Variants in ADGRL2 observed in about 807,000 individuals in gnomAD.
ADGRL2 encodes calcium-independent alpha-latrotoxin receptor 2.
A neutral mutation model predicts 157.4 loss-of-function variants in ADGRL2; 44 were observed. The observed-to-expected ratio is 0.28, with a 90% CI of 0.22 to 0.36. The LOEUF is 0.36. ADGRL2 is among the 10% of genes least tolerant of loss of function. The pLI, the probability that ADGRL2 is intolerant of heterozygous loss-of-function variation, is 1.00. For synonymous variants in ADGRL2, 585 were observed against 624.7 expected (o/e 0.94, Z 0.95); for missense variants, 1,510 against 1,768.9 (o/e 0.85, Z 2.63).
At chr1:81,521,971 T>TG (rs1422935149) in intron 2 of ADGRL2, among the ~76,000 whole-genome samples, 3 of 151,590 alleles carry the variant, frequency 2.0e-5, no homozygotes, top group Admixed American at 6.6e-5. Flanking sequence ...CTTTTTGTTT[T>TG]TTTTTTTTTT....
At chr1:81,801,996 G>C (rs997678069) in intron 1 of ADGRL2, among the ~76,000 whole-genome samples, 1 of 151,086 alleles carries the variant, frequency 6.6e-6, no homozygotes, top group African/African-American at 2.4e-5. Flanking sequence ...GAGCCGCCCG[G>C]CGCTGGCTGC....
chr1:81,749,106 A>G (rs1381586856), intron 1 of ADGRL2, among the ~76,000 whole-genome samples: 1 of 152,240 alleles, frequency 6.6e-6, no homozygotes, highest in Non-Finnish European at 1.5e-5. Flanking sequence ...TCCAATAAAT[A>G]TAAAACATTT....
intron 2 of ADGRL2, among the ~76,000 whole-genome samples, chr1:81,762,158 A>T (rs751067554): frequency 6.6e-6 from 1 of 152,146 alleles, no homozygotes; most frequent in South Asian, 2.1e-4. Context: ...AAATACACAG[A>T]TATAGAAATA....
chr1:81,833,697 G>A (rs1008488912), intron 1 of ADGRL2, among the ~76,000 whole-genome samples: 6 of 152,088 alleles, frequency 3.9e-5, no homozygotes, highest in Non-Finnish European at 5.9e-5. Context: ...AGTTTTAGGC[G>A]CGGGATATTT....
intron 1 of ADGRL2, among the ~76,000 whole-genome samples, chr1:81,352,312 C>T (rs898788822): frequency 6.6e-6 from 1 of 152,200 alleles, no homozygotes; most frequent in Non-Finnish European, 1.5e-5. Flanking sequence ...TTTCTGAAAT[C>T]GTCTTGCTGT....
chr1:81,308,064 T>C (rs1659475427), intron 1 of ADGRL2, among the ~76,000 whole-genome samples: 1 of 150,900 alleles, frequency 6.6e-6, no homozygotes, highest in Non-Finnish European at 1.5e-5. Flanking sequence ...TCGGCTAGGA[T>C]AGCAACCGAA....
At chr1:81,423,866 C>T (rs2077167666) in intron 1 of ADGRL2, among the ~76,000 whole-genome samples, 1 of 151,972 alleles carries the variant, frequency 6.6e-6, no homozygotes. Context: ...AAATATAAAG[C>T]CAAGCTTTAA....
At chr1:81,870,719 A>T (rs2093668961) in intron 2 of ADGRL2, among the ~76,000 whole-genome samples, 1 of 152,106 alleles carries the variant, frequency 6.6e-6, no homozygotes, top group South Asian at 2.1e-4. Flanking sequence ...AATAAAATGA[A>T]TTTTACCTGT....
chr1:81,870,465 A>G (rs2093663108), intron 2 of ADGRL2, among the ~76,000 whole-genome samples: 2 of 152,116 alleles, frequency 1.3e-5, no homozygotes, highest in Non-Finnish European at 2.9e-5. Flanking sequence ...TTAAAATAAA[A>G]CCAAGGTAGA....
intron 11 of ADGRL2, among the ~76,000 whole-genome samples, chr1:81,959,628 A>G (rs1368560363): frequency 6.6e-6 from 1 of 152,186 alleles, no homozygotes; most frequent in Non-Finnish European, 1.5e-5. Flanking sequence ...GAAACTTTAT[A>G]TGGATATATC....
intron 1 of ADGRL2, among the ~76,000 whole-genome samples, chr1:81,701,007 G>C (rs377272662): frequency 3.9e-5 from 6 of 152,314 alleles, no homozygotes; most frequent in African/African-American, 1.4e-4. Context: ...ACTTGCACTT[G>C]CTCATTAATA....
intron 1 of ADGRL2, among the ~76,000 whole-genome samples, chr1:81,336,772 G>A (rs1300111618): frequency 6.6e-6 from 1 of 152,070 alleles, no homozygotes. Flanking sequence ...CCCGGTGAGG[G>A]CCCCACCCTC....
chr1:81,501,877 C>G (rs556189811), intron 2 of ADGRL2: 2 of 1,604,100 alleles, frequency 1.2e-6, no homozygotes, highest in East Asian at 4.5e-5. Context: ...AGAAGCAGGG[C>G]CAGCAGATGA....
intron 3 of ADGRL2, among the ~76,000 whole-genome samples, chr1:81,626,708 G>A (rs992499775): frequency 6.6e-6 from 1 of 152,252 alleles, no homozygotes. Flanking sequence ...GGCGGTGGAT[G>A]TGGGAGACAC....
At chr1:81,838,313 A>G (rs1386283616) in intron 2 of ADGRL2, among the ~76,000 whole-genome samples, 1 of 152,094 alleles carries the variant, frequency 6.6e-6, no homozygotes, top group Non-Finnish European at 1.5e-5. Context: ...AATACTTAAA[A>G]TAAGAGTTTC....
At chr1:81,445,334 C>T (rs1207472383) in intron 2 of ADGRL2, among the ~76,000 whole-genome samples, 3 of 152,214 alleles carry the variant, frequency 2.0e-5, no homozygotes, top group East Asian at 3.9e-4. Flanking sequence ...GACTGGCTGT[C>T]TACCTATCTA....
At chr1:81,801,672 G>A (rs1006680641) in intron 1 of ADGRL2, among the ~76,000 whole-genome samples, 4 of 152,148 alleles carry the variant, frequency 2.6e-5, no homozygotes, top group Admixed American at 2.6e-4. Context: ...AGGGGTCGCC[G>A]CCGCCTCCCG....
intron 1 of ADGRL2, among the ~76,000 whole-genome samples, chr1:81,805,725 G>C (rs1238792338): frequency 7.6e-6 from 1 of 132,426 alleles, no homozygotes; most frequent in Admixed American, 7.5e-5. Context: ...AAGTACTTTA[G>C]TGGTTAAAAA....
intron 3 of ADGRL2, among the ~76,000 whole-genome samples, chr1:81,596,004 A>G (rs182672699): frequency 1.2e-4 from 19 of 152,078 alleles, no homozygotes; most frequent in African/African-American, 4.6e-4. Context: ...GGCCTCTTTT[A>G]TAAGAGCACT....
Sources: allele counts gnomAD v4.1 joint callset (sites outside exome capture counted in the v4.1 genomes callset), GRCh38; gene constraint gnomAD v4.1.1; transcripts MANE v1.5; gene names NCBI Gene and HGNC (gene_info 2026-07-23, HGNC 2026-07-21).